Variants in CYB5RL observed in about 807,000 individuals in gnomAD.
The protein encoded by CYB5RL is cytochrome b5 reductase like, also known as NADH-cytochrome b5 reductase-like.
Under a neutral mutation model 37.5 loss-of-function variants are expected in CYB5RL, and 38 were observed. The ratio of observed to expected loss-of-function variants is 1.01; its 90% CI spans 0.78 to 1.33. The LOEUF (loss-of-function observed/expected upper bound fraction) is 1.33. CYB5RL is among the 40% of genes most tolerant of loss of function. CYB5RL has a pLI of 0.00. For missense variants in CYB5RL, 388 were observed against 394.4 expected (o/e 0.98, Z 0.14); for synonymous variants, 141 against 151.9 (o/e 0.93, Z 0.53).
In CYB5RL at chr1:54,174,645, T is replaced by C. The variant is rs61741274; in HGVS notation, c.922A>G (p.Thr308Ala). 2,948 of 1,611,738 alleles carry C rather than the reference T, an allele frequency of 1.8e-3. 6 individuals carry two copies. Among genetic ancestry groups the C allele is most frequent in the Non-Finnish European group, 2.3e-3 (2,704 of 1,179,052 alleles). The change falls in exon 8 of 8, where the codon ACT becomes GCT. Residue 308 changes from threonine (T) to alanine (A), a missense_variant. Thr to Ala is a moderately conservative substitution (Grantham distance 58, BLOSUM62 0). Transcript: ENST00000534324. ...TAGAAGAGGAAATAGGAGTCCTCAG[T>C]GAGGCCTGCGCACAGTAAGCACCTG... is the stretch of plus-strand genomic sequence containing the variant. ...IARCLLCAGLTEDSYFLF is the reference protein window; with the variant it reads ...IARCLLCAGLAEDSYFLF
intron 7 of CYB5RL, among the ~76,000 whole-genome samples, chr1:54,177,946 T>G (rs1232870031): frequency 6.6e-6 from 1 of 152,168 alleles, no homozygotes; most frequent in East Asian, 1.9e-4. Flanking sequence ...GCTGCCTTCC[T>G]GCCCTCCTCC....
intron 5 of CYB5RL, chr1:54,185,817 C>T (rs1238839948): frequency 6.6e-6 from 1 of 152,250 alleles, no homozygotes; most frequent in East Asian, 1.9e-4. Flanking sequence ...GGCTGTGTCC[C>T]CACCCAAATC....
chr1:54,198,819 G>C (rs1644043021), intron 1 of CYB5RL, among the ~76,000 whole-genome samples: 1 of 151,454 alleles, frequency 6.6e-6, no homozygotes, highest in Admixed American at 6.6e-5. Flanking sequence ...ATTATTTTTA[G>C]AGAGGAGGTC....
At chr1:54,196,933 G>A (rs1644012787) in intron 1 of CYB5RL, among the ~76,000 whole-genome samples, 1 of 152,300 alleles carries the variant, frequency 6.6e-6, no homozygotes, top group South Asian at 2.1e-4. Flanking sequence ...TACTGAAGAG[G>A]AAATTAACAG....
chr1:54,188,132 A>G (rs1271281094), intron 4 of CYB5RL, among the ~76,000 whole-genome samples: 1 of 152,208 alleles, frequency 6.6e-6, no homozygotes, highest in Non-Finnish European at 1.5e-5. Flanking sequence ...AGGCTGGTGA[A>G]AATAAAGGTC....
intron 3 of CYB5RL, among the ~76,000 whole-genome samples, chr1:54,192,298 C>T (rs540824675): frequency 3.3e-5 from 5 of 151,414 alleles, no homozygotes; most frequent in Admixed American, 2.0e-4. Context: ...GATTCTCGTG[C>T]CTCAGCCTCC....
chr1:54,170,972 C>T lies in CYB5RL; in HGVS notation c.*3647G>A, dbSNP rs867477813. The T allele has an allele frequency of 2.2e-5, 8 of 360,310 alleles. No individual in the cohort carries two copies. Among genetic ancestry groups the T allele is most frequent in the African/African-American group, 6.4e-5 (3 of 47,028 alleles). The allele number at this position is 360,310 out of a possible 1,614,324, so 22.3% of individuals were successfully genotyped here. On this transcript the variant is annotated 3_prime_UTR_variant, in exon 8 of 8. Transcript: ENST00000534324. ...ATTAGTTGTTTATCGCTCAGGTATT[C>T]GACATCCAGGAAGTGCTGAGCATCC...
chr1:54,188,442 A>C (rs1041503227), intron 4 of CYB5RL, among the ~76,000 whole-genome samples: 2 of 152,218 alleles, frequency 1.3e-5, no homozygotes, highest in African/African-American at 2.4e-5. Context: ...TTAAACACTT[A>C]CTAGCACCTG....
intron 3 of CYB5RL, among the ~76,000 whole-genome samples, chr1:54,193,035 A>G (rs1326831144): frequency 1.3e-5 from 2 of 152,218 alleles, no homozygotes; most frequent in Non-Finnish European, 2.9e-5. Flanking sequence ...GATTACAGGC[A>G]TAAGCCACCG....
At chr1:54,191,007 T>C in intron 3 of CYB5RL, 111 bp from the exon 4 acceptor site, 1 of 1,422,474 alleles carries the variant, frequency 7.0e-7, no homozygotes, top group Non-Finnish European at 9.3e-7. Context: ...CTCGGGAAGT[T>C]TCCTGTAAAC....
chr1:54,196,640 C>T (rs1294704365), intron 1 of CYB5RL, 149 bp from the exon 2 acceptor site: 2 of 152,230 alleles, frequency 1.3e-5, no homozygotes, highest in African/African-American at 4.8e-5. Context: ...TGTGTCCCTT[C>T]CTGATAACTG....
chr1:54,174,869 C>T, intron 7 of CYB5RL, 47 bp from the exon 8 acceptor site: 2 of 1,579,806 alleles, frequency 1.3e-6, no homozygotes, highest in Non-Finnish European at 1.7e-6. Context: ...AGCGGGGGGT[C>T]CTTAGTGTTC....
intron 4 of CYB5RL, among the ~76,000 whole-genome samples, chr1:54,190,279 T>C (rs555362245): frequency 6.6e-6 from 1 of 152,340 alleles, no homozygotes; most frequent in African/African-American, 2.4e-5. Context: ...TTATTAGCTA[T>C]GTAGTGCTGG....
chr1:54,190,789 G>A lies in CYB5RL; in HGVS notation c.306C>T (p.Asn102=). ...GGCCGGGCCGCAGGCCAAGCTGGCT[G>A]TTCCCGGGTAGAGCAAACCGGACAC... ...TYRVRFALPG[N]SQLGLRPGQH... The change falls in exon 4 of 8, where the codon AAC becomes AAT. Residue 102 remains asparagine (N), a synonymous_variant. Transcript: ENST00000534324. 6.4e-7 allele frequency: 1 copy of A among 1,566,904 alleles called. No individual in the cohort carries two copies. The highest frequency in any genetic ancestry group is 8.7e-7 in the Non-Finnish European group (1 of 1,156,000).
intron 6 of CYB5RL, chr1:54,179,871 G>A (rs1660113531): frequency 1.1e-5 from 5 of 445,516 alleles, no homozygotes; most frequent in Non-Finnish European, 1.8e-5. Flanking sequence ...TTGGACCTCT[G>A]AGCTTGCTCA....
chr1:54,197,254 T>C (rs978637924), intron 1 of CYB5RL, among the ~76,000 whole-genome samples: 2 of 152,042 alleles, frequency 1.3e-5, no homozygotes, highest in Non-Finnish European at 2.9e-5. Flanking sequence ...GAGCACTCCA[T>C]GCACTTGGTC....
intron 6 of CYB5RL, chr1:54,180,082 CA>C (rs200234098): frequency 0.021 from 9,292 of 443,754 alleles, 247 homozygotes; most frequent in East Asian, 0.12. Context: ...ACTAAAAATA[CA>C]AAAATTAGCC....
intron 7 of CYB5RL, 70 bp downstream of exon 7, chr1:54,179,079 G>C: frequency 6.5e-7 from 1 of 1,530,804 alleles, no homozygotes; most frequent in African/African-American, 1.4e-5. Flanking sequence ...GGCTAGAGCT[G>C]GTCCTCAGGA....
chr1:54,185,533 A>G (rs138548763), intron 5 of CYB5RL: 1 of 152,346 alleles, frequency 6.6e-6, no homozygotes, highest in East Asian at 1.9e-4. Context: ...TTTGGTCCCC[A>G]GACCTGTTTT....
Sources: allele counts gnomAD v4.1 joint callset (sites outside exome capture counted in the v4.1 genomes callset), GRCh38; gene constraint gnomAD v4.1.1; transcripts MANE v1.5; gene names NCBI Gene and HGNC (gene_info 2026-07-23, HGNC 2026-07-21).